The following GFRAL variants were observed in gnomAD, a reference collection of about 807,000 sequenced individuals.
GFRAL encodes the protein GDNF family receptor alpha-like.
In GFRAL, 36 loss-of-function variants were observed where a neutral mutation model predicts 45.4. The observed-to-expected ratio is 0.79, with a 90% CI of 0.61 to 1.05. The LOEUF is 1.05. Ranked by LOEUF, GFRAL falls within the 50% of genes least tolerant of loss-of-function variation. The pLI, the probability that GFRAL is intolerant of heterozygous loss-of-function variation, is 0.00. For synonymous variants in GFRAL, 166 were observed against 154.1 expected, an observed-to-expected ratio of 1.08 and a Z score of -0.57; for missense variants, 507 against 467.5, an observed-to-expected ratio of 1.08 and a Z score of -0.78.
chr6:55,363,907 T>C (rs555085710), intron 6 of GFRAL, among the ~76,000 whole-genome samples: 1 of 150,708 alleles, frequency 6.6e-6, no homozygotes, highest in South Asian at 2.1e-4. Context: ...TACGTGTGCA[T>C]GTGTCTTTAT....
intron 6 of GFRAL, among the ~76,000 whole-genome samples, chr6:55,375,926 A>C (rs1293672365): frequency 6.6e-6 from 1 of 152,148 alleles, no homozygotes; most frequent in Non-Finnish European, 1.5e-5. Flanking sequence ...GGGCATCCTT[A>C]TCTTGTGCTG....
At position 55,399,469 on chromosome 6, in the gene GFRAL, G is replaced by T. The variant is rs1455351693; in HGVS notation, c.1121+28G>T. Reference sequence around the variant, plus strand: ...AACTGAATATAAATTAGAAGGAAAGGTCTGAAAGGGAGTCACTTAGCTGTG... The same window carrying T: ...AACTGAATATAAATTAGAAGGAAAGTTCTGAAAGGGAGTCACTTAGCTGTG... On this transcript the variant is annotated intron_variant, in intron 8 of 8. Transcript: ENST00000340465. The T allele has an allele frequency of 9.1e-6, 13 of 1,423,030 alleles. No homozygotes were observed. The South Asian group carries it at 1.0e-4, about 11-fold the overall frequency. 88.2% of individuals were successfully genotyped at this position (1,423,030 alleles called of 1,614,324 possible).
At chr6:55,384,278 A>AT (rs1768651595) in intron 6 of GFRAL, among the ~76,000 whole-genome samples, 1 of 151,590 alleles carries the variant, frequency 6.6e-6, no homozygotes, top group South Asian at 2.1e-4. Flanking sequence ...TATAAAAAAA[A>AT]CTCAAGAACT....
At chr6:55,327,674 T>G in intron 1 of GFRAL, 98 bp downstream of exon 1, 1 of 1,100,538 alleles carries the variant, frequency 9.1e-7, no homozygotes, top group Non-Finnish European at 1.3e-6. Flanking sequence ...GGGCTTATAA[T>G]ATGAAGTACC....
chr6:55,351,772 C>T (rs1002064071), intron 5 of GFRAL, among the ~76,000 whole-genome samples, 189 bp downstream of exon 5: 4 of 151,896 alleles, frequency 2.6e-5, no homozygotes, highest in African/African-American at 9.7e-5. Context: ...AATTCAAATG[C>T]AGAGTAGATT....
In GFRAL at chr6:55,333,663, A is replaced by G. The variant is rs550139391; in HGVS notation, c.158-123A>G. 1.1e-3 allele frequency: 572 copies of G among 528,122 alleles called. 5 individuals carry two copies. The highest frequency in any genetic ancestry group is 0.01 in the African/African-American group (527 of 51,378). 32.7% of individuals were successfully genotyped at this position (528,122 alleles called of 1,614,324 possible). Reference sequence around the variant, plus strand: ...TCACTTATATGGATATCTTGCAGCAACCCCAGATAATCTTACCATATTAAT... The same window carrying G: ...TCACTTATATGGATATCTTGCAGCAGCCCCAGATAATCTTACCATATTAAT... On this transcript the variant is annotated intron_variant, in intron 2 of 8. Transcript: ENST00000340465.
intron 6 of GFRAL, among the ~76,000 whole-genome samples, chr6:55,391,569 T>G (rs1211446833): frequency 6.6e-6 from 1 of 152,044 alleles, no homozygotes; most frequent in East Asian, 1.9e-4. Flanking sequence ...TGGGCAATAA[T>G]AGCAAGGCCT....
chr6:55,347,656 A>AGG (rs1434819630), intron 3 of GFRAL, among the ~76,000 whole-genome samples: 1 of 152,196 alleles, frequency 6.6e-6, no homozygotes, highest in African/African-American at 2.4e-5. Flanking sequence ...AGTAGATATA[A>AGG]ACACATTCTA....
In GFRAL at chr6:55,378,969, G is replaced by A. The variant is rs1256799982; in HGVS notation, c.952+19831G>A. Among the ~76,000 whole-genome samples the A allele has an allele frequency of 3.3e-5, 5 of 152,056 alleles. 1 individual carries two copies. The South Asian group carries it at 6.2e-4, about 19-fold the overall frequency. Reference sequence around the variant, plus strand: ...ATCCAATAGGTGCTAAATTTCAAATGGCAAGGAGTATTCTACTGCAGATGG... The same window carrying A: ...ATCCAATAGGTGCTAAATTTCAAATAGCAAGGAGTATTCTACTGCAGATGG... On this transcript the variant is annotated intron_variant, in intron 6 of 8. Coordinates refer to ENST00000340465, the MANE Select transcript of GFRAL (RefSeq NM_207410.2).
intron 6 of GFRAL, among the ~76,000 whole-genome samples, chr6:55,359,438 G>A (rs1054832958): frequency 6.6e-6 from 1 of 151,972 alleles, no homozygotes; most frequent in Non-Finnish European, 1.5e-5. Flanking sequence ...GATATATCAA[G>A]TATCAATTGC....
intron 3 of GFRAL, among the ~76,000 whole-genome samples, chr6:55,341,894 G>T (rs528206693): frequency 6.6e-6 from 1 of 152,244 alleles, no homozygotes; most frequent in South Asian, 2.1e-4. Flanking sequence ...TTCAGTAGCC[G>T]ATTCGATCAA....
At chr6:55,353,189 G>A (rs546792459) in intron 5 of GFRAL, among the ~76,000 whole-genome samples, 20 of 151,938 alleles carry the variant, frequency 1.3e-4, no homozygotes, top group African/African-American at 4.3e-4. Flanking sequence ...CTAGGGCTTC[G>A]GACATGTAGG....
intron 6 of GFRAL, among the ~76,000 whole-genome samples, chr6:55,393,027 A>G (rs1357641288): frequency 1.3e-5 from 2 of 152,228 alleles, no homozygotes; most frequent in East Asian, 3.9e-4. Context: ...TAAGGATTAT[A>G]AATTAGTACT....
chr6:55,395,175 A>AAATATATATATAT lies in GFRAL; in HGVS notation c.953-4004_953-4003insATATATATATATA. Reference sequence around the variant, plus strand: ...AATCAGCCTATGGAAAAAAAAAAAAAATATATATATATATATATAAGCCAG... The same window carrying AAATATATATATAT: ...AATCAGCCTATGGAAAAAAAAAAAAAAATATATATATATATATATATATATATATATAAGCCAG... On this transcript the variant is annotated intron_variant, in intron 6 of 8. Transcript: ENST00000340465. Among the ~76,000 whole-genome samples the AAATATATATATAT allele has an allele frequency of 4.8e-3, 590 of 123,382 alleles. 7 individuals carry two copies. Among genetic ancestry groups the AAATATATATATAT allele is most frequent in the African/African-American group, 0.015 (420 of 28,876 alleles). The allele number at this position is 123,382 out of a possible 152,430, so 80.9% of individuals were successfully genotyped here.
intron 2 of GFRAL, 73 bp downstream of exon 2, chr6:55,331,922 C>T: frequency 7.1e-7 from 1 of 1,409,764 alleles, no homozygotes. Context: ...GATATTTTGT[C>T]ATTATCCTAA....
intron 6 of GFRAL, among the ~76,000 whole-genome samples, chr6:55,360,545 A>C (rs1489466590): frequency 1.3e-5 from 2 of 152,036 alleles, no homozygotes; most frequent in African/African-American, 4.8e-5. Context: ...TGTAATAGGC[A>C]TACAGCTCAG....
At chr6:55,347,938 A>G (rs1196493206) in intron 3 of GFRAL, among the ~76,000 whole-genome samples, 2 of 152,142 alleles carry the variant, frequency 1.3e-5, no homozygotes, top group Non-Finnish European at 2.9e-5. Flanking sequence ...AGTTTATTGT[A>G]AGCATATTTC....
At chr6:55,342,432 T>C (rs1056284260) in intron 3 of GFRAL, among the ~76,000 whole-genome samples, 4 of 151,960 alleles carry the variant, frequency 2.6e-5, no homozygotes, top group Admixed American at 6.6e-5. Flanking sequence ...CTAAGCTTCA[T>C]AAGTGAAGGA....
At position 55,351,549 on chromosome 6, in the gene GFRAL, GT is replaced by G. The variant is rs779104168; in HGVS notation, c.668del (p.Val223GlufsTer26). On this transcript the variant is annotated frameshift_variant, in exon 5 of 9. Coordinates refer to ENST00000340465, the MANE Select transcript of GFRAL (RefSeq NM_207410.2). LOFTEE classifies it high-confidence loss of function. Reference sequence around the variant, plus strand: ...GGTTCCACCCCCTACTTGCCTCAGTGTAATTCGCAGCTGCCAAAATGATGAA... The same window carrying G: ...GGTTCCACCCCCTACTTGCCTCAGTGAATTCGCAGCTGCCAAAATGATGAA... ...NMVPPPTCLS[V>X]IRSCQNDELC... 6.2e-7 allele frequency: 1 copy of G among 1,601,420 alleles called. No individual in the cohort carries two copies. The highest frequency in any genetic ancestry group is 8.5e-7 in the Non-Finnish European group (1 of 1,169,872).
Sources: allele counts gnomAD v4.1 joint callset (sites outside exome capture counted in the v4.1 genomes callset), GRCh38; gene constraint gnomAD v4.1.1; transcripts MANE v1.5; gene names NCBI Gene and HGNC (gene_info 2026-07-23, HGNC 2026-07-21).